The following CHCHD3 variants were observed in gnomAD, a reference collection of about 807,000 sequenced individuals.
CHCHD3 encodes the protein MICOS complex subunit MIC19.
A neutral mutation model predicts 38.2 loss-of-function variants in CHCHD3; 20 were observed. The observed-to-expected ratio is 0.52, with a 90% confidence interval of 0.37 to 0.76. The LOEUF is 0.76. Among genes scored for constraint, CHCHD3 ranks in the 30% least tolerant of loss-of-function variants. The pLI, the probability that CHCHD3 is intolerant of heterozygous loss-of-function variation, is 0.00. For missense variants in CHCHD3, 245 were observed against 279.2 expected (o/e 0.88, Z 0.87); for synonymous variants, 82 against 100.0 (o/e 0.82, Z 1.07).
intron 6 of CHCHD3, among the ~76,000 whole-genome samples, chr7:132,824,505 A>T (rs553093343): frequency 6.6e-6 from 1 of 151,926 alleles, no homozygotes; most frequent in Non-Finnish European, 1.5e-5. Context: ...TAGTAAAGAC[A>T]GGGTTTCACC....
At chr7:132,970,649 T>C (rs2117323988) in intron 4 of CHCHD3, among the ~76,000 whole-genome samples, 1 of 152,266 alleles carries the variant, frequency 6.6e-6, no homozygotes, top group East Asian at 1.9e-4. Flanking sequence ...GTACCTAACA[T>C]AGTAAATTTC....
chr7:132,820,433 T>C (rs1239759680), intron 6 of CHCHD3, among the ~76,000 whole-genome samples: 1 of 152,154 alleles, frequency 6.6e-6, no homozygotes, highest in Non-Finnish European at 1.5e-5. Context: ...CAGGAGGGAC[T>C]GGAAGGGAGG....
chr7:132,916,781 A>G (rs538576301), intron 4 of CHCHD3, among the ~76,000 whole-genome samples: 4 of 151,718 alleles, frequency 2.6e-5, no homozygotes, highest in African/African-American at 9.7e-5. Context: ...GTCTCTCTAT[A>G]TTTGCCCAGG....
At chr7:132,983,148 C>T (rs965468280) in intron 3 of CHCHD3, among the ~76,000 whole-genome samples, 1 of 151,154 alleles carries the variant, frequency 6.6e-6, no homozygotes, top group African/African-American at 2.4e-5. Context: ...ATGGCGAAAC[C>T]CCATCTCCAT....
chr7:132,921,041 C>T (rs962929739), intron 4 of CHCHD3, among the ~76,000 whole-genome samples: 2 of 152,062 alleles, frequency 1.3e-5, no homozygotes, highest in Non-Finnish European at 2.9e-5. Context: ...GGTTATTTTC[C>T]AGCTATCATG....
At chr7:132,883,603 T>C (rs1210195282) in intron 5 of CHCHD3, among the ~76,000 whole-genome samples, 1 of 152,198 alleles carries the variant, frequency 6.6e-6, no homozygotes, top group Non-Finnish European at 1.5e-5. Flanking sequence ...ATGAGCTTCA[T>C]ACTTCAGGGT....
At chr7:133,029,089 T>C (rs917280355) in intron 2 of CHCHD3, among the ~76,000 whole-genome samples, 8 of 152,070 alleles carry the variant, frequency 5.3e-5, no homozygotes, top group Admixed American at 4.6e-4. Context: ...TCCTTATAAA[T>C]TACCCAGTTT....
At chr7:132,979,843 A>G (rs1165105414) in intron 3 of CHCHD3, among the ~76,000 whole-genome samples, 1 of 152,164 alleles carries the variant, frequency 6.6e-6, no homozygotes, top group Non-Finnish European at 1.5e-5. Context: ...TCAAAATTGT[A>G]CCATTCTCCA....
intron 3 of CHCHD3, among the ~76,000 whole-genome samples, chr7:132,989,541 A>AATG (rs1389193133): frequency 6.6e-6 from 1 of 152,194 alleles, no homozygotes; most frequent in East Asian, 1.9e-4. Flanking sequence ...TTTATACCTA[A>AATG]AGTCCCTATT....
intron 3 of CHCHD3, among the ~76,000 whole-genome samples, chr7:132,993,847 C>G (rs1345901139): frequency 6.6e-6 from 1 of 152,228 alleles, no homozygotes; most frequent in Non-Finnish European, 1.5e-5. Context: ...CCCAATGGCT[C>G]ACATCTGTCG....
chr7:132,914,768 C>T (rs1222966412), intron 4 of CHCHD3, among the ~76,000 whole-genome samples: 1 of 152,006 alleles, frequency 6.6e-6, no homozygotes, highest in Admixed American at 6.6e-5. Flanking sequence ...GACAGGGACT[C>T]TGAAATGACA....
intron 3 of CHCHD3, among the ~76,000 whole-genome samples, chr7:133,022,139 A>G (rs2117437210): frequency 6.6e-6 from 1 of 152,284 alleles, no homozygotes; most frequent in East Asian, 1.9e-4. Flanking sequence ...GGTTACAATG[A>G]TAATAGATAT....
In CHCHD3 at chr7:133,068,347, G is replaced by T. The variant is rs534484629; in HGVS notation, c.169+1795C>A. 1.4e-4 allele frequency among the ~76,000 whole-genome samples: 21 copies of T among 152,274 alleles called. No homozygotes were observed. In the South Asian group the frequency reaches 4.3e-3, roughly 32 times the overall value. ...CTGTGAACAAACAAATGAGGAATAA[G>T]GTCCCTGGAGCTTCTCTTCTAGTGA... On this transcript the variant is annotated intron_variant, in intron 2 of 7. Coordinates refer to ENST00000262570, the MANE Select transcript of CHCHD3 (RefSeq NM_017812.4).
At chr7:133,050,867 T>C (rs1183069307) in intron 2 of CHCHD3, among the ~76,000 whole-genome samples, 1 of 151,470 alleles carries the variant, frequency 6.6e-6, no homozygotes, top group Non-Finnish European at 1.5e-5. Flanking sequence ...ATACAAAAAA[T>C]TAGCCAGGCG....
chr7:132,956,456 G>A (rs1811170325), intron 4 of CHCHD3, among the ~76,000 whole-genome samples: 1 of 152,140 alleles, frequency 6.6e-6, no homozygotes. Context: ...CAGACATAAA[G>A]AAGAGCGAGA....
intron 3 of CHCHD3, among the ~76,000 whole-genome samples, chr7:132,978,113 G>C (rs1320117048): frequency 6.6e-6 from 1 of 152,014 alleles, no homozygotes; most frequent in East Asian, 1.9e-4. Context: ...ATATAAACAA[G>C]GCACTCAGCA....
At chr7:132,839,998 A>C (rs930461597) in intron 5 of CHCHD3, among the ~76,000 whole-genome samples, 1 of 152,260 alleles carries the variant, frequency 6.6e-6, no homozygotes, top group Non-Finnish European at 1.5e-5. Flanking sequence ...TCTGACATGA[A>C]GACAATATTC....
At chr7:132,994,974 C>CA (rs1260707192) in intron 3 of CHCHD3, among the ~76,000 whole-genome samples, 9 of 152,114 alleles carry the variant, frequency 5.9e-5, no homozygotes, top group African/African-American at 1.9e-4. Flanking sequence ...TACTCATCTG[C>CA]AAAAAATTCA....
intron 4 of CHCHD3, among the ~76,000 whole-genome samples, chr7:132,899,874 C>G (rs1432824430): frequency 6.6e-6 from 1 of 152,210 alleles, no homozygotes; most frequent in East Asian, 1.9e-4. Flanking sequence ...CACAACATTT[C>G]TTCTATTATT....
Sources: allele counts gnomAD v4.1 joint callset (sites outside exome capture counted in the v4.1 genomes callset), GRCh38; gene constraint gnomAD v4.1.1; transcripts MANE v1.5; gene names NCBI Gene and HGNC (gene_info 2026-07-23, HGNC 2026-07-21).